PRKCH: variants seen among roughly 807,000 people sequenced by gnomAD.
PRKCH encodes the protein protein kinase C eta.
PRKCH carries 28 observed loss-of-function variants against 82.5 expected under a neutral mutation model. That is an observed-to-expected ratio of 0.34 (90% CI 0.25 to 0.47). PRKCH has a LOEUF of 0.47. PRKCH is among the 20% of genes least tolerant of loss of function. The pLI is 1.00. For missense variants in PRKCH, 705 were observed against 881.8 expected (o/e 0.80, Z 2.54); for synonymous variants, 322 against 327.4 (o/e 0.98, Z 0.18).
intron 1 of PRKCH, chr14:61,281,611 A>C (rs957613768): frequency 6.0e-6 from 1 of 167,714 alleles, no homozygotes; most frequent in Admixed American, 6.5e-5. Context: ...TTCCTGGGCC[A>C]GTCTCCCGAA....
At chr14:61,361,657 C>T (rs919689484) in intron 1 of PRKCH, among the ~76,000 whole-genome samples, 8 of 152,048 alleles carry the variant, frequency 5.3e-5, no homozygotes, top group Admixed American at 1.3e-4. Context: ...CCATGCCTGA[C>T]GCTTGGACAA....
At chr14:61,300,641 T>C (rs2045441586) in intron 1 of PRKCH, among the ~76,000 whole-genome samples, 1 of 152,190 alleles carries the variant, frequency 6.6e-6, no homozygotes, top group South Asian at 2.1e-4. Flanking sequence ...AGGAAGTCCT[T>C]GGTAAGGTTT....
chr14:61,233,107 A>G (rs912979227), intron 1 of PRKCH, among the ~76,000 whole-genome samples: 16 of 152,214 alleles, frequency 1.1e-4, no homozygotes, highest in African/African-American at 2.9e-4. Flanking sequence ...CCAGTCCACC[A>G]TATGGTATGA....
chr14:61,487,354 G>T (rs1359131087), intron 10 of PRKCH, among the ~76,000 whole-genome samples: 1 of 152,188 alleles, frequency 6.6e-6, no homozygotes, highest in African/African-American at 2.4e-5. Flanking sequence ...GGCTGCAGCA[G>T]GTTGATTAGG....
intron 10 of PRKCH, among the ~76,000 whole-genome samples, chr14:61,496,121 C>T (rs1463518885): frequency 2.0e-5 from 3 of 152,120 alleles, no homozygotes; most frequent in Non-Finnish European, 2.9e-5. Context: ...TGAATTCGGG[C>T]GTCATGGGCG....
chr14:61,299,401 C>T (rs1171900944), intron 1 of PRKCH, among the ~76,000 whole-genome samples: 1 of 152,184 alleles, frequency 6.6e-6, no homozygotes, highest in Non-Finnish European at 1.5e-5. Context: ...TGCCATGTTG[C>T]CTCCTAATGC....
chr14:61,514,314 TA>T lies in PRKCH; in HGVS notation c.1434-14742del, dbSNP rs546556676. Among the ~76,000 whole-genome samples, 761 of 132,068 alleles carry T rather than the reference TA, an allele frequency of 5.8e-3. 11 individuals carry two copies. Among genetic ancestry groups the T allele is most frequent in the South Asian group, 0.017 (67 of 4,046 alleles). 86.6% of individuals were successfully genotyped at this position (132,068 alleles called of 152,430 possible). On this transcript the variant is annotated intron_variant, in intron 10 of 13. Transcript: ENST00000332981. ...TGGAATTTTTAATACTCTTCTCCTT[TA>T]AAAAAAAAAAAAAAAAAAGGAACAA...
chr14:61,410,835 T>C (rs1229738648), intron 2 of PRKCH, among the ~76,000 whole-genome samples: 1 of 152,196 alleles, frequency 6.6e-6, no homozygotes, highest in Non-Finnish European at 1.5e-5. Flanking sequence ...CTGATCACCT[T>C]CCACTATCAA....
intron 2 of PRKCH, among the ~76,000 whole-genome samples, chr14:61,415,595 C>A (rs1324008515): frequency 6.6e-6 from 1 of 152,200 alleles, no homozygotes; most frequent in Non-Finnish European, 1.5e-5. Flanking sequence ...CTTCCTTTCC[C>A]TTTGGGTAGT....
At chr14:61,250,021 A>C (rs1594873784) in intron 1 of PRKCH, among the ~76,000 whole-genome samples, 1 of 150,164 alleles carries the variant, frequency 6.7e-6, no homozygotes, top group South Asian at 2.2e-4. Context: ...GCACTTTGGG[A>C]GGCCGAGATG....
chr14:61,438,866 A>T (rs1453240263), intron 2 of PRKCH, among the ~76,000 whole-genome samples: 1 of 152,242 alleles, frequency 6.6e-6, no homozygotes, highest in African/African-American at 2.4e-5. Context: ...TAGAATAGTT[A>T]ATCTTCATTA....
chr14:61,455,176 C>A (rs963553669), intron 7 of PRKCH, among the ~76,000 whole-genome samples: 32 of 150,542 alleles, frequency 2.1e-4, no homozygotes, highest in Non-Finnish European at 3.4e-4. Context: ...ACTATAGGCA[C>A]CCGCCACCAC....
intron 1 of PRKCH, among the ~76,000 whole-genome samples, chr14:61,335,350 C>G (rs909038766): frequency 6.6e-6 from 1 of 152,064 alleles, no homozygotes; most frequent in East Asian, 1.9e-4. Context: ...CCGTATTTTT[C>G]AGTTTCTGAA....
chr14:61,536,412 C>T (rs1332676184), intron 12 of PRKCH, among the ~76,000 whole-genome samples: 3 of 152,080 alleles, frequency 2.0e-5, no homozygotes, highest in Non-Finnish European at 4.4e-5. Context: ...GATCCTTTCC[C>T]GGCCTGCTGG....
chr14:61,335,379 T>G (rs567758960), intron 1 of PRKCH, among the ~76,000 whole-genome samples: 1 of 152,330 alleles, frequency 6.6e-6, no homozygotes, highest in Admixed American at 6.5e-5. Flanking sequence ...TTGTTTTCTA[T>G]GGACTCATAA....
At chr14:61,457,023 A>G (rs566214471) in intron 7 of PRKCH, 153 bp from the exon 8 acceptor site, 2 of 755,500 alleles carry the variant, frequency 2.6e-6, no homozygotes, top group South Asian at 1.9e-5. Flanking sequence ...GGGAGTTTCG[A>G]GTGGCAGAAC....
At chr14:61,286,078 T>G (rs1435687314) in intron 1 of PRKCH, among the ~76,000 whole-genome samples, 2 of 152,256 alleles carry the variant, frequency 1.3e-5, no homozygotes, top group African/African-American at 4.8e-5. Flanking sequence ...GTTCTCAGTT[T>G]TTGCATGTAG....
rs75370958 is a variant in PRKCH at position 61,212,584 on chromosome 14, T to C, written c.-19+24916T>C. ...ATGTCTGTCTGTCTCCTTATATCCA[T>C]CTAAGTATTTATCTTTCTGTATCTA... On this transcript the variant is annotated intron_variant, in intron 1 of 3. Transcript: ENST00000555185. Among the ~76,000 whole-genome samples, 1,143 of 152,330 alleles carry C rather than the reference T, an allele frequency of 7.5e-3. 13 individuals are homozygous for C. Among genetic ancestry groups the C allele is most frequent in the African/African-American group, 0.026 (1,071 of 41,572 alleles).
chr14:61,408,916 A>T (rs1444237325), intron 2 of PRKCH, among the ~76,000 whole-genome samples: 1 of 152,190 alleles, frequency 6.6e-6, no homozygotes, highest in Non-Finnish European at 1.5e-5. Context: ...AGGAGCTATC[A>T]ACTATAAAGC....
Sources: gnomAD v4.1 joint callset for allele counts (sites outside exome capture counted in the v4.1 genomes callset) on GRCh38, gnomAD v4.1.1 for gene constraint, MANE v1.5 for transcripts, NCBI Gene and HGNC (gene_info 2026-07-23, HGNC 2026-07-21) for gene names.